The following THSD7A variants were observed in gnomAD, a reference collection of about 807,000 sequenced individuals.
THSD7A encodes the protein thrombospondin type-1 domain-containing protein 7A.
Under a neutral mutation model 231.3 loss-of-function variants are expected in THSD7A, and 96 were observed. The observed-to-expected ratio is 0.41, with a 90% confidence interval of 0.35 to 0.49. The LOEUF (loss-of-function observed/expected upper bound fraction) is 0.49, where lower values mean the gene tolerates loss of function less well. THSD7A is among the 20% of genes least tolerant of loss of function. The pLI is 0.05. For synonymous variants in THSD7A, 940 were observed against 743.3 expected, an observed-to-expected ratio of 1.26 and a Z score of -4.30; for missense variants, 2,290 against 2,070.2, an observed-to-expected ratio of 1.11 and a Z score of -2.06.
intron 2 of THSD7A, among the ~76,000 whole-genome samples, chr7:11,623,075 A>C (rs7785712): frequency 0.017 from 2,641 of 152,300 alleles, 79 homozygotes; most frequent in African/African-American, 0.06. Flanking sequence ...CTTGCCTAAA[A>C]TATTGCTACA....
intron 6 of THSD7A, among the ~76,000 whole-genome samples, chr7:11,507,987 G>A (rs942659365): frequency 2.6e-5 from 4 of 152,142 alleles, no homozygotes; most frequent in African/African-American, 9.7e-5. Flanking sequence ...TAAAATCATG[G>A]CAGAAGGTAA....
At chr7:11,646,378 A>G (rs1005910226) in intron 1 of THSD7A, among the ~76,000 whole-genome samples, 3 of 152,060 alleles carry the variant, frequency 2.0e-5, no homozygotes, top group Non-Finnish European at 4.4e-5. Context: ...GTTGATCATA[A>G]CAAACATATA....
chr7:11,723,967 G>A (rs111765845), intron 1 of THSD7A, among the ~76,000 whole-genome samples: 2,442 of 151,936 alleles, frequency 0.016, 62 homozygotes, highest in African/African-American at 0.055. Flanking sequence ...ATTGAGAATA[G>A]ACCCAAAAGC....
chr7:11,470,793 A>G (rs1350006456), intron 8 of THSD7A, among the ~76,000 whole-genome samples: 3 of 151,892 alleles, frequency 2.0e-5, no homozygotes, highest in Non-Finnish European at 4.4e-5. Context: ...AAAATTAACT[A>G]CTATTTTCAA....
chr7:11,684,386 C>A (rs1366139496), intron 1 of THSD7A, among the ~76,000 whole-genome samples: 76 of 130,132 alleles, frequency 5.8e-4, no homozygotes, highest in African/African-American at 2.0e-3. Context: ...CTAGCCAGAG[C>A]AATGAGGCAT....
At chr7:11,613,189 T>C (rs1476328810) in intron 2 of THSD7A, among the ~76,000 whole-genome samples, 2 of 152,210 alleles carry the variant, frequency 1.3e-5, no homozygotes, top group Non-Finnish European at 2.9e-5. Context: ...TTGGACTTAT[T>C]ACATTCAAAG....
At chr7:11,764,264 G>A (rs1461399938) in intron 1 of THSD7A, among the ~76,000 whole-genome samples, 1 of 152,126 alleles carries the variant, frequency 6.6e-6, no homozygotes, top group African/African-American at 2.4e-5. Flanking sequence ...TTTACAAATA[G>A]TCTATAGTAT....
At chr7:11,736,966 C>T (rs1178959755) in intron 1 of THSD7A, among the ~76,000 whole-genome samples, 1 of 151,870 alleles carries the variant, frequency 6.6e-6, no homozygotes, top group Non-Finnish European at 1.5e-5. Context: ...AAAAGACTTC[C>T]TCCTTCTCTG....
intron 1 of THSD7A, among the ~76,000 whole-genome samples, chr7:11,768,343 G>C (rs1024565635): frequency 2.0e-5 from 3 of 152,146 alleles, no homozygotes; most frequent in African/African-American, 7.2e-5. Flanking sequence ...TGTTTCAAGA[G>C]CTAACATCAT....
intron 1 of THSD7A, among the ~76,000 whole-genome samples, chr7:11,830,348 A>G (rs1368872453): frequency 3.9e-5 from 6 of 152,238 alleles, no homozygotes; most frequent in Admixed American, 6.5e-5. Context: ...GCTCTCCCCA[A>G]GCATCCATAT....
chr7:11,574,882 C>G (rs1200180440), intron 4 of THSD7A, among the ~76,000 whole-genome samples: 2 of 152,074 alleles, frequency 1.3e-5, no homozygotes, highest in Non-Finnish European at 2.9e-5. Context: ...GGTGAGATAG[C>G]TTTTCTCTAG....
chr7:11,689,120 T>C (rs1780154567), intron 1 of THSD7A, among the ~76,000 whole-genome samples: 1 of 151,972 alleles, frequency 6.6e-6, no homozygotes. Flanking sequence ...CAATGTAAGC[T>C]TTAGACAGGA....
At chr7:11,463,871 G>C (rs1179752606) in intron 9 of THSD7A, among the ~76,000 whole-genome samples, 1 of 152,124 alleles carries the variant, frequency 6.6e-6, no homozygotes, top group Non-Finnish European at 1.5e-5. Context: ...AAAATGACCT[G>C]TATTTTAAGG....
chr7:11,787,886 T>G (rs1197450557), intron 1 of THSD7A, among the ~76,000 whole-genome samples: 6 of 152,016 alleles, frequency 3.9e-5, no homozygotes. Context: ...TACCCTTAAC[T>G]CCAATTCTCA....
chr7:11,538,550 A>G (rs1789009808), intron 6 of THSD7A, among the ~76,000 whole-genome samples: 1 of 152,222 alleles, frequency 6.6e-6, no homozygotes, highest in Admixed American at 6.5e-5. Flanking sequence ...GAAAAATTAA[A>G]ATAGGGCGGG....
At chr7:11,488,766 C>G (rs1403272971) in intron 6 of THSD7A, among the ~76,000 whole-genome samples, 1 of 152,106 alleles carries the variant, frequency 6.6e-6, no homozygotes, top group Non-Finnish European at 1.5e-5. Flanking sequence ...CTCACTAGAA[C>G]AAAGAAAATA....
At chr7:11,744,390 G>T (rs1445197638) in intron 1 of THSD7A, among the ~76,000 whole-genome samples, 1 of 151,478 alleles carries the variant, frequency 6.6e-6, no homozygotes, top group Non-Finnish European at 1.5e-5. Flanking sequence ...ATTATCATGT[G>T]CTTGTATCAA....
In THSD7A at chr7:11,474,528, T is replaced by C; in HGVS notation, c.2058A>G (p.Val686=). Residue 686 remains valine, a synonymous_variant, in exon 8 of 28, where the codon GTA becomes GTG. Coordinates refer to ENST00000423059, the MANE Select transcript of THSD7A (RefSeq NM_015204.3). This position sits in a 1 kb window ranked among gnomAD's most constrained non-coding sequence, Gnocchi z 4.1. ...RCPNSSALQE[V]RSCNEHPCTV... ...TGCAAGGATGCTCATTACAGCTTCG[T>C]ACTTCTTGCAAAGCACTGCTATTTG... 1 of 1,609,428 alleles carries C rather than the reference T, an allele frequency of 6.2e-7. No homozygotes were observed. Among genetic ancestry groups the C allele is most frequent in the Non-Finnish European group, 8.5e-7 (1 of 1,176,656 alleles).
At chr7:11,399,849 G>C (rs1783331517) in intron 23 of THSD7A, among the ~76,000 whole-genome samples, 1 of 152,106 alleles carries the variant, frequency 6.6e-6, no homozygotes, top group African/African-American at 2.4e-5. Context: ...CTGCTATAAA[G>C]ACACATGCAC....
Sources: allele counts gnomAD v4.1 joint callset (sites outside exome capture counted in the v4.1 genomes callset), GRCh38; gene constraint gnomAD v4.1.1; non-coding constraint Gnocchi (gnomAD v3.1); transcripts MANE v1.5; gene names NCBI Gene and HGNC (gene_info 2026-07-23, HGNC 2026-07-21).